TRPC5: variants seen among roughly 807,000 people sequenced by gnomAD.
The protein encoded by TRPC5 is short transient receptor potential channel 5.
Under a neutral mutation model 56.5 loss-of-function variants are expected in TRPC5, and 9 were observed. The ratio of observed to expected loss-of-function variants is 0.16; its 90% CI spans 0.10 to 0.28. The LOEUF (loss-of-function observed/expected upper bound fraction) is 0.28. Ranked by LOEUF, TRPC5 falls within the 10% of genes least tolerant of loss-of-function variation. The pLI, the probability that TRPC5 is intolerant of heterozygous loss-of-function variation, is 1.00. For missense variants in TRPC5, 469 were observed against 748.9 expected (o/e 0.63, Z 4.36); for synonymous variants, 282 against 278.5 (o/e 1.01, Z -0.13).
At chrX:111,790,480 G>A (rs1251074305) in intron 7 of TRPC5, among the ~76,000 whole-genome samples, 1 of 111,208 alleles carries the variant, frequency 9.0e-6, no homozygotes, top group African/African-American at 3.3e-5. Flanking sequence ...GATGAGTGCA[G>A]CAAACCAACA....
intron 1 of TRPC5, among the ~76,000 whole-genome samples, chrX:111,981,917 G>A (rs1928092291): frequency 8.9e-6 from 1 of 112,016 alleles, no homozygotes; most frequent in Middle Eastern, 4.6e-3. Context: ...CATGTCAGGG[G>A]AGGGACCAGG....
intron 3 of TRPC5, among the ~76,000 whole-genome samples, chrX:111,873,865 C>G (rs1923838754): frequency 9.0e-6 from 1 of 111,252 alleles, no homozygotes. Context: ...GGTGATTATT[C>G]AGGAACATGG....
At chrX:112,021,780 T>C (rs1039823447) in intron 1 of TRPC5, among the ~76,000 whole-genome samples, 24 of 112,047 alleles carry the variant, frequency 2.1e-4, no homozygotes, top group African/African-American at 7.8e-4. Flanking sequence ...AGGTGATCAA[T>C]AGGGAAAAAG....
intron 1 of TRPC5, among the ~76,000 whole-genome samples, chrX:111,992,094 G>A (rs971798649): frequency 1.8e-5 from 2 of 112,219 alleles, no homozygotes; most frequent in African/African-American, 6.5e-5. Context: ...TCCAGTATAT[G>A]AGGGATAGAG....
intron 3 of TRPC5, among the ~76,000 whole-genome samples, chrX:111,859,733 C>A (rs1056373313): frequency 5.4e-5 from 6 of 112,116 alleles, no homozygotes; most frequent in Non-Finnish European, 1.1e-4. Flanking sequence ...TTTATTCGTT[C>A]CGTAAGTCAA....
chrX:111,912,822 A>G lies in TRPC5; in HGVS notation c.379-10T>C, dbSNP rs201550051. On this transcript the variant is annotated splice_polypyrimidine_tract_variant and intron_variant, in intron 2 of 10. Coordinates refer to ENST00000262839, the MANE Select transcript of TRPC5 (RefSeq NM_012471.3). ...TCATCAGAGTGGGGACCTAGGTACA[A>G]GAAATGAGAAGAATAGAAGGGCAGG... The G allele has an allele frequency of 3.0e-5, 35 of 1,185,486 alleles. No individual in the cohort carries two copies. The East Asian group carries it at 9.8e-4, about 33-fold the overall frequency.
chrX:111,856,568 T>TAATAATAATA (rs1381902418), intron 3 of TRPC5, among the ~76,000 whole-genome samples: 3 of 104,001 alleles, frequency 2.9e-5, no homozygotes, highest in African/African-American at 1.1e-4. Context: ...ATAATAATAA[T>TAATAATAATA]AATAATAGAG....
rs1347789587 is a variant in TRPC5, at chrX:111,779,186, C to A, written c.2143-112G>T. On this transcript the variant is annotated intron_variant, in intron 9 of 10. Transcript: ENST00000262839. Reference sequence around the variant, plus strand: ...TTAGACCTTCTTTGCAGTAGAAAATCCTCATAGGATCCAGCCTTTTATTGT... The same window carrying A: ...TTAGACCTTCTTTGCAGTAGAAAATACTCATAGGATCCAGCCTTTTATTGT... The A allele has an allele frequency of 9.1e-6, 4 of 437,530 alleles. No individual in the cohort carries two copies. In the African/African-American group the frequency reaches 1.0e-4, roughly 11 times the overall value. 36.1% of individuals were successfully genotyped at this position (437,530 alleles called of 1,213,427 possible).
At chrX:112,013,144 G>A (rs1222217901) in intron 1 of TRPC5, among the ~76,000 whole-genome samples, 1 of 105,456 alleles carries the variant, frequency 9.5e-6, no homozygotes, top group Non-Finnish European at 2.0e-5. Context: ...TGTTGTTGTT[G>A]TTATTTATTT....
chrX:111,941,976 T>C (rs777142603), intron 2 of TRPC5, among the ~76,000 whole-genome samples: 44 of 111,604 alleles, frequency 3.9e-4, no homozygotes, highest in Non-Finnish European at 5.7e-4. Flanking sequence ...ATTTTCCCCA[T>C]GATGAGAAGC....
At chrX:112,040,917 C>T (rs1929874932) in intron 1 of TRPC5, among the ~76,000 whole-genome samples, 1 of 111,998 alleles carries the variant, frequency 8.9e-6, no homozygotes, top group South Asian at 3.7e-4. Flanking sequence ...CAAGTAAGCA[C>T]GTGTTAAAGA....
intron 3 of TRPC5, among the ~76,000 whole-genome samples, chrX:111,906,366 A>AC (rs1925625699): frequency 9.1e-6 from 1 of 109,692 alleles, no homozygotes; most frequent in Non-Finnish European, 1.9e-5. Context: ...AAAAACAAAA[A>AC]ACAAAAAAAA....
intron 1 of TRPC5, among the ~76,000 whole-genome samples, chrX:112,051,409 G>A (rs1390395875): frequency 1.8e-5 from 2 of 111,030 alleles, no homozygotes; most frequent in South Asian, 3.9e-4. Context: ...GCCTAATAAC[G>A]GTGTATCTTC....
intron 7 of TRPC5, among the ~76,000 whole-genome samples, chrX:111,817,400 C>T (rs1921893202): frequency 9.8e-6 from 1 of 102,321 alleles, no homozygotes; most frequent in Non-Finnish European, 2.0e-5. Context: ...CGTCTTGGCT[C>T]ACTGCAACCT....
At chrX:111,949,985 A>G (rs766118655) in intron 2 of TRPC5, among the ~76,000 whole-genome samples, 2 of 94,469 alleles carry the variant, frequency 2.1e-5, no homozygotes, top group East Asian at 2.9e-4. Context: ...AAACTGTGGC[A>G]TATATATATA....
intron 1 of TRPC5, among the ~76,000 whole-genome samples, chrX:112,007,063 G>A: frequency 9.0e-6 from 1 of 110,829 alleles, no homozygotes; most frequent in African/African-American, 3.3e-5. Context: ...TGGAGTGGGG[G>A]TGGAGTGGCA....
At chrX:112,025,547 C>A in intron 1 of TRPC5, among the ~76,000 whole-genome samples, 1 of 111,511 alleles carries the variant, frequency 9.0e-6, no homozygotes, top group East Asian at 2.8e-4. Context: ...TTATTGGTAA[C>A]CTAGTCATGC....
At chrX:111,880,840 C>G (rs1244747691) in intron 3 of TRPC5, among the ~76,000 whole-genome samples, 1 of 112,290 alleles carries the variant, frequency 8.9e-6, no homozygotes, top group African/African-American at 3.2e-5. Context: ...GATTTATCAT[C>G]CTGTTGTTGG....
At chrX:111,979,173 C>T (rs999908800) in intron 1 of TRPC5, among the ~76,000 whole-genome samples, 1 of 111,207 alleles carries the variant, frequency 9.0e-6, no homozygotes, top group African/African-American at 3.3e-5. Context: ...TATGCCTACA[C>T]ATATATACAA....
Sources: allele counts gnomAD v4.1 joint callset (sites outside exome capture counted in the v4.1 genomes callset), GRCh38; gene constraint gnomAD v4.1.1; transcripts MANE v1.5; gene names NCBI Gene and HGNC (gene_info 2026-07-23, HGNC 2026-07-21).